TNRC18: variants seen among roughly 807,000 people sequenced by gnomAD.
TNRC18 encodes the protein trinucleotide repeat-containing gene 18 protein.
Under a neutral mutation model 226.7 loss-of-function variants are expected in TNRC18, and 69 were observed. That is an observed-to-expected ratio of 0.30 (90% CI 0.25 to 0.37). The LOEUF (loss-of-function observed/expected upper bound fraction) is 0.37, where lower values mean the gene tolerates loss of function less well. TNRC18 is among the 10% of genes least tolerant of loss of function. The pLI is 1.00. For synonymous variants in TNRC18, 2,449 were observed against 1,927.6 expected, an observed-to-expected ratio of 1.27 and a Z score of -7.09; for missense variants, 4,754 against 4,256.6, an observed-to-expected ratio of 1.12 and a Z score of -3.25.
At chr7:5,334,461 A>ATT (rs10706914) in intron 18 of TNRC18, among the ~76,000 whole-genome samples, 311 of 140,230 alleles carry the variant, frequency 2.2e-3, no homozygotes, top group Admixed American at 2.7e-3. Flanking sequence ...CACGCCTGGC[A>ATT]TTTTTTTTTT....
At chr7:5,341,391 C>A (rs1790668228) in intron 18 of TNRC18, among the ~76,000 whole-genome samples, 2 of 144,512 alleles carry the variant, frequency 1.4e-5, no homozygotes, top group South Asian at 4.4e-4. Context: ...TGCACTCCAG[C>A]CTGGGCGACA....
intron 24 of TNRC18, among the ~76,000 whole-genome samples, chr7:5,317,574 G>A (rs1787975076): frequency 6.6e-6 from 1 of 151,808 alleles, no homozygotes; most frequent in African/African-American, 2.4e-5. Flanking sequence ...CTGGGTGACA[G>A]AGCAAGACTC....
Position 5,388,163 on chromosome 7 carries a change from G to C in TNRC18, c.1661C>G (p.Pro554Arg). 6.4e-7 allele frequency: 1 copy of C among 1,574,786 alleles called. No homozygotes were observed. The highest frequency in any genetic ancestry group is 8.6e-7 in the Non-Finnish European group (1 of 1,162,192). The change falls in exon 5 of 30, where the codon CCT becomes CGT. Residue 554 changes from proline (P) to arginine (R), a missense_variant. Pro to Arg is a moderately radical substitution (Grantham distance 103). Coordinates refer to ENST00000430969, the MANE Select transcript of TNRC18 (RefSeq NM_001080495.3). ...ASSSKKAYLD[P>R]GAVLPRSAAT... ...CGCCGAGCGGGGCAGCACAGCCCCA[G>C]GGTCCAGGTAGGCCTTCTTGGAGGA...
intron 2 of TNRC18, among the ~76,000 whole-genome samples, chr7:5,399,489 G>C (rs750110482): frequency 1.3e-4 from 20 of 152,096 alleles, no homozygotes; most frequent in Non-Finnish European, 2.5e-4. Context: ...GAGGCGGGCA[G>C]ATCACTTGAG....
intron 2 of TNRC18, 21 bp downstream of exon 2, chr7:5,421,039 G>C: frequency 6.5e-7 from 1 of 1,533,086 alleles, no homozygotes; most frequent in Non-Finnish European, 8.8e-7. Flanking sequence ...GGAGGGGACG[G>C]GCACGGCGCG....
chr7:5,384,995 C>A (rs186509158), intron 5 of TNRC18, among the ~76,000 whole-genome samples: 75 of 152,374 alleles, frequency 4.9e-4, no homozygotes, highest in African/African-American at 1.7e-3. Flanking sequence ...AATCCAAAGA[C>A]TTCAGGGCCG....
chr7:5,330,934 C>T (rs2128125669), intron 19 of TNRC18, among the ~76,000 whole-genome samples: 1 of 152,262 alleles, frequency 6.6e-6, no homozygotes, highest in South Asian at 2.1e-4. Flanking sequence ...CTTGGCCTCC[C>T]AAAGTGCTGG....
At chr7:5,320,128 A>G (rs1562487570) in intron 24 of TNRC18, 190 bp downstream of exon 24, 5 of 576,302 alleles carry the variant, frequency 8.7e-6, no homozygotes, top group Admixed American at 5.9e-5. Flanking sequence ...ACAGATACTC[A>G]GAGCTGGAGT....
chr7:5,347,498 C>CA (rs1020014829), intron 17 of TNRC18, among the ~76,000 whole-genome samples: 6 of 151,772 alleles, frequency 4.0e-5, no homozygotes, highest in Admixed American at 2.0e-4. Flanking sequence ...ACCCAGCCCC[C>CA]CCGCAAAAAT....
chr7:5,352,955 C>T (rs896739594), intron 16 of TNRC18, among the ~76,000 whole-genome samples: 2 of 152,236 alleles, frequency 1.3e-5, no homozygotes, highest in African/African-American at 4.8e-5. Flanking sequence ...GCTCTGGCAG[C>T]ACCTGCCACC....
intron 26 of TNRC18, among the ~76,000 whole-genome samples, 197 bp downstream of exon 26, chr7:5,314,787 G>A (rs964661931): frequency 1.2e-4 from 18 of 152,102 alleles, no homozygotes; most frequent in Admixed American, 3.3e-4. Context: ...TGGCCAGACT[G>A]GTCTTGAACT....
Position 5,387,912 on chromosome 7 carries a change from G to A in TNRC18, c.1912C>T (p.Pro638Ser). The A allele has an allele frequency of 1.3e-6, 2 of 1,593,444 alleles. No homozygotes were observed. Residue 638 changes from proline (P) to serine (S), a missense_variant, in exon 5 of 30, where the codon CCA (proline) becomes TCA (serine). Coordinates refer to ENST00000430969, the MANE Select transcript of TNRC18 (RefSeq NM_001080495.3). ...CCCGCTGCAGGGCCTCCGGAGTGTG[G>A]GAGACGGGCCTGGGCTCGGGAGGCA... ...AGASRAQARL[P>S]HSGGPAAGGG...
intron 17 of TNRC18, among the ~76,000 whole-genome samples, chr7:5,346,377 A>G (rs915146057): frequency 6.6e-6 from 1 of 152,144 alleles, no homozygotes; most frequent in African/African-American, 2.4e-5. Context: ...AGCCCCGAGA[A>G]GGGATCTGGA....
rs979912702 is a variant in TNRC18 at position 5,394,205 on chromosome 7, A to T, written c.343+235T>A. ...CTGAGCTGAGCCGGAGGAGGACTGG[A>T]AGGTGGTCTGTGGCATGGGGTGTCA... On this transcript the variant is annotated intron_variant, in intron 3 of 29. Transcript: ENST00000430969. The surrounding 1 kb of genome is among the most constrained non-coding windows in gnomAD (Gnocchi z 4.5). Among the ~76,000 whole-genome samples, 1 of 152,126 alleles carries T rather than the reference A, an allele frequency of 6.6e-6. No individual in the cohort carries two copies. Among genetic ancestry groups the T allele is most frequent in the Admixed American group, 6.6e-5 (1 of 15,264 alleles).
chr7:5,421,854 A>G (rs1782606081), intron 1 of TNRC18, among the ~76,000 whole-genome samples: 1 of 152,236 alleles, frequency 6.6e-6, no homozygotes, highest in South Asian at 2.1e-4. Flanking sequence ...CTAGGCGTCA[A>G]ATGCTCCGGG....
chr7:5,388,922 C>G lies in TNRC18; in HGVS notation c.902G>C (p.Gly301Ala). 1.5e-6 allele frequency: 2 copies of G among 1,373,306 alleles called. No homozygotes were observed. The highest frequency in any genetic ancestry group is 1.9e-6 in the Non-Finnish European group (2 of 1,059,316). 85.1% of individuals were successfully genotyped at this position (1,373,306 alleles called of 1,614,324 possible). The change falls in exon 5 of 30, where the codon GGG becomes GCG. Residue 301 changes from glycine (G) to alanine (A), a missense_variant. Coordinates refer to ENST00000430969, the MANE Select transcript of TNRC18 (RefSeq NM_001080495.3). ...GGCAGCCTCCTTGGCACCCCCGCGC[C>G]CCGCTTCGGCCACCAGCGCGGGCAG... Reference protein sequence around the residue: ...VGLPALVAEAGRGGAKEAARQ... With the variant: ...VGLPALVAEAARGGAKEAARQ...
chr7:5,330,279 G>C (rs1276083545), intron 19 of TNRC18, among the ~76,000 whole-genome samples: 1 of 152,094 alleles, frequency 6.6e-6, no homozygotes. Flanking sequence ...GCCTAGGCTG[G>C]AGTGAGGCAG....
intron 15 of TNRC18, 142 bp from the exon 16 acceptor site, chr7:5,357,418 A>T (rs567740836): frequency 1.8e-5 from 15 of 846,994 alleles, no homozygotes; most frequent in South Asian, 5.2e-5. Context: ...ATATATATTT[A>T]TTTTTTTTTT....
At chr7:5,382,149 G>A (rs1373555774) in intron 5 of TNRC18, among the ~76,000 whole-genome samples, 1 of 152,150 alleles carries the variant, frequency 6.6e-6, no homozygotes, top group African/African-American at 2.4e-5. Context: ...AGGAAACTGA[G>A]GCACAGGGAG....
Sources: gnomAD v4.1 joint callset for allele counts (sites outside exome capture counted in the v4.1 genomes callset) on GRCh38, gnomAD v4.1.1 for gene constraint, Gnocchi (gnomAD v3.1) non-coding constraint, MANE v1.5 for transcripts, NCBI Gene and HGNC (gene_info 2026-07-23, HGNC 2026-07-21) for gene names.